The following FMNL2 variants were observed in gnomAD, a reference collection of about 807,000 sequenced individuals.
FMNL2 encodes the protein formin-like protein 2.
FMNL2 carries 51 observed loss-of-function variants against 130.2 expected under a neutral mutation model. The observed-to-expected ratio is 0.39, with a 90% CI of 0.31 to 0.49. The LOEUF (loss-of-function observed/expected upper bound fraction) is 0.49, where lower values mean the gene tolerates loss of function less well. Ranked by LOEUF, FMNL2 falls within the 20% of genes least tolerant of loss-of-function variation. FMNL2 has a pLI of 0.85. For synonymous variants in FMNL2, 465 were observed against 467.1 expected (o/e 1.00, Z 0.06); for missense variants, 977 against 1,316.2 (o/e 0.74, Z 3.99).
chr2:152,394,721 G>T (rs1685299416), intron 1 of FMNL2, among the ~76,000 whole-genome samples: 3 of 143,704 alleles, frequency 2.1e-5, no homozygotes, highest in South Asian at 2.2e-4. Context: ...TAACTGTTGG[G>T]TTTTTTTTTT....
chr2:152,567,338 C>T (rs546237882), intron 6 of FMNL2, among the ~76,000 whole-genome samples: 1 of 152,300 alleles, frequency 6.6e-6, no homozygotes, highest in Admixed American at 6.5e-5. Context: ...TGATTAGAGG[C>T]TCTGATCTAG....
At chr2:152,430,887 A>G (rs946539960) in intron 1 of FMNL2, among the ~76,000 whole-genome samples, 1 of 151,792 alleles carries the variant, frequency 6.6e-6, no homozygotes, top group Non-Finnish European at 1.5e-5. Context: ...ATATATATAT[A>G]TATATGTTTA....
chr2:152,595,405 CCACCTCCCGAGTTCAGGCAGTTCT>C (rs1697709379), intron 9 of FMNL2, among the ~76,000 whole-genome samples: 1 of 152,156 alleles, frequency 6.6e-6, no homozygotes, highest in Admixed American at 6.5e-5. Flanking sequence ...ACTGCAACCT[CCACCTCCCGAGTTCAGGCAGTTCT>C]CATGCCTCAG....
At chr2:152,353,915 G>A (rs1026853509) in intron 1 of FMNL2, among the ~76,000 whole-genome samples, 3 of 151,894 alleles carry the variant, frequency 2.0e-5, no homozygotes, top group Non-Finnish European at 2.9e-5. Context: ...CCCCCAGAAC[G>A]CCCAGAATTG....
At chr2:152,566,390 T>C (rs1222828167) in intron 6 of FMNL2, among the ~76,000 whole-genome samples, 2 of 152,222 alleles carry the variant, frequency 1.3e-5, no homozygotes, top group Non-Finnish European at 2.9e-5. Flanking sequence ...GTTCACAGTT[T>C]ACTGCCTCTG....
intron 4 of FMNL2, among the ~76,000 whole-genome samples, chr2:152,556,626 T>C (rs1310631886): frequency 6.6e-6 from 1 of 152,126 alleles, no homozygotes; most frequent in Non-Finnish European, 1.5e-5. Flanking sequence ...AAAAATTTAG[T>C]TTTTCTTCTG....
At chr2:152,642,085 C>G (rs1392407734) in intron 25 of FMNL2, among the ~76,000 whole-genome samples, 1 of 152,008 alleles carries the variant, frequency 6.6e-6, no homozygotes, top group African/African-American at 2.4e-5. Flanking sequence ...GGACTACAGG[C>G]GCCCACCACC....
At chr2:152,587,218 C>T (rs987882478) in intron 9 of FMNL2, among the ~76,000 whole-genome samples, 11 of 152,284 alleles carry the variant, frequency 7.2e-5, no homozygotes, top group African/African-American at 2.4e-4. Flanking sequence ...TCTTAGAAGC[C>T]GTGTAGTGGT....
At position 152,578,980 on chromosome 2, in the gene FMNL2, A is replaced by G. The variant is rs2105713037; in HGVS notation, c.782+16A>G. 2 of 1,603,956 alleles carry G rather than the reference A, an allele frequency of 1.2e-6. No homozygotes were observed. The highest frequency in any genetic ancestry group is 4.5e-5 in the East Asian group (2 of 44,800). On this transcript the variant is annotated intron_variant, in intron 8 of 25. Transcript: ENST00000288670. ...AGAATCCCAGGTAAGCTGCTTTTGTAGTACGCAAGTCTAAATCTATCTAGA... is the reference window on the plus strand; with the variant it reads ...AGAATCCCAGGTAAGCTGCTTTTGTGGTACGCAAGTCTAAATCTATCTAGA...
intron 21 of FMNL2, 22 bp from the exon 22 acceptor site, chr2:152,636,405 G>C (rs1390174011): frequency 6.2e-7 from 1 of 1,601,646 alleles, no homozygotes; most frequent in Non-Finnish European, 8.5e-7. Flanking sequence ...AGTTTCACTG[G>C]GATGTTCTTT....
intron 1 of FMNL2, among the ~76,000 whole-genome samples, chr2:152,381,764 A>C (rs1684475733): frequency 6.6e-6 from 1 of 152,032 alleles, no homozygotes; most frequent in South Asian, 2.1e-4. Flanking sequence ...GCTTTAAGAA[A>C]CTCGATAACT....
At chr2:152,461,391 G>A (rs1044253280) in intron 1 of FMNL2, among the ~76,000 whole-genome samples, 5 of 151,888 alleles carry the variant, frequency 3.3e-5, no homozygotes. Context: ...TTGAGATCTG[G>A]TGTATGATTT....
At chr2:152,462,124 A>G (rs1007797993) in intron 1 of FMNL2, among the ~76,000 whole-genome samples, 9 of 152,030 alleles carry the variant, frequency 5.9e-5, no homozygotes, top group Non-Finnish European at 1.3e-4. Flanking sequence ...CAACCTCCCA[A>G]AGTGTTGGGA....
intron 1 of FMNL2, among the ~76,000 whole-genome samples, chr2:152,368,281 T>G (rs1683675438): frequency 6.6e-6 from 1 of 152,206 alleles, no homozygotes; most frequent in African/African-American, 2.4e-5. Flanking sequence ...AGATGATCTT[T>G]TAGCCTTTCA....
chr2:152,521,981 G>GC lies in FMNL2; in HGVS notation c.157dup (p.Arg53ProfsTer4). 6.2e-7 allele frequency: 1 copy of GC among 1,612,438 alleles called. No homozygotes were observed. ...TACCTCCTGACAAAGCCAGGTTACT[G>GC]CGGCAGTATGATAATGAGAAAAAAT... is the stretch of plus-strand genomic sequence containing the variant. On this transcript the variant is annotated frameshift_variant, in exon 2 of 26. Coordinates refer to ENST00000288670, the MANE Select transcript of FMNL2 (RefSeq NM_052905.4). LOFTEE classifies it high-confidence loss of function.
chr2:152,575,014 G>A, intron 6 of FMNL2, 122 bp from the exon 7 acceptor site: 1 of 563,106 alleles, frequency 1.8e-6, no homozygotes, highest in Non-Finnish European at 3.1e-6. Context: ...TTGCCATTTG[G>A]TGGCGGTTTT....
intron 6 of FMNL2, among the ~76,000 whole-genome samples, chr2:152,567,445 T>C (rs1029374311): frequency 6.6e-6 from 1 of 152,228 alleles, no homozygotes; most frequent in Admixed American, 6.5e-5. Context: ...TTTCTTTCCC[T>C]CTTTCTCTTC....
At chr2:152,341,702 T>C (rs1295112560) in intron 1 of FMNL2, among the ~76,000 whole-genome samples, 1 of 152,194 alleles carries the variant, frequency 6.6e-6, no homozygotes, top group Non-Finnish European at 1.5e-5. Context: ...ACATAATACA[T>C]TGTGATTCAT....
chr2:152,345,836 G>T (rs1420216919), intron 1 of FMNL2, among the ~76,000 whole-genome samples: 1 of 152,164 alleles, frequency 6.6e-6, no homozygotes, highest in Non-Finnish European at 1.5e-5. Context: ...GGCTTGTGCA[G>T]CCCTTCCTCT....
Sources: gnomAD v4.1 joint callset for allele counts (sites outside exome capture counted in the v4.1 genomes callset) on GRCh38, gnomAD v4.1.1 for gene constraint, MANE v1.5 for transcripts, NCBI Gene and HGNC (gene_info 2026-07-23, HGNC 2026-07-21) for gene names.